The following CCDC122 variants were observed in gnomAD, a reference collection of about 807,000 sequenced individuals.
CCDC122 encodes the protein coiled-coil domain-containing protein 122.
In CCDC122, 38 loss-of-function variants were observed where a neutral mutation model predicts 37.0. The ratio of observed to expected loss-of-function variants is 1.03; its 90% CI spans 0.79 to 1.35. CCDC122 has a LOEUF of 1.35. Among genes scored for constraint, CCDC122 ranks in the 40% most tolerant of loss-of-function variants. The pLI is 0.00. For synonymous variants in CCDC122, 83 were observed against 95.6 expected (o/e 0.87, Z 0.77); for missense variants, 305 against 310.0 (o/e 0.98, Z 0.12).
intron 6 of CCDC122, among the ~76,000 whole-genome samples, chr13:43,850,137 C>T (rs1811435077): frequency 6.6e-6 from 1 of 152,266 alleles, no homozygotes; most frequent in East Asian, 1.9e-4. Context: ...CAGAGGCCTA[C>T]AGACTAGTCT....
intron 4 of CCDC122, among the ~76,000 whole-genome samples, chr13:43,868,300 G>T (rs1349293973): frequency 2.6e-5 from 4 of 152,046 alleles, no homozygotes; most frequent in Non-Finnish European, 4.4e-5. Flanking sequence ...AAAAAGGAAA[G>T]GAACATAGAG....
chr13:43,846,404 T>C (rs920528435), intron 6 of CCDC122, among the ~76,000 whole-genome samples: 1 of 152,208 alleles, frequency 6.6e-6, no homozygotes, highest in Non-Finnish European at 1.5e-5. Flanking sequence ...CATCGAGTAA[T>C]GTTTTATTAC....
intron 6 of CCDC122, among the ~76,000 whole-genome samples, chr13:43,851,760 C>T (rs1056893067): frequency 2.0e-5 from 3 of 152,188 alleles, no homozygotes; most frequent in Admixed American, 6.5e-5. Flanking sequence ...GCACCCCCAG[C>T]ACAGTGGATT....
downstream of CCDC122, among the ~76,000 whole-genome samples, chr13:43,820,036 A>G (rs1036954497): frequency 2.6e-5 from 4 of 152,010 alleles, no homozygotes; most frequent in African/African-American, 9.7e-5. Flanking sequence ...GTGATTTAGG[A>G]TCTAAAATTT....
chr13:43,865,038 C>T (rs530257253), intron 4 of CCDC122, among the ~76,000 whole-genome samples: 41 of 152,186 alleles, frequency 2.7e-4, no homozygotes, highest in African/African-American at 7.9e-4. Context: ...AAGAGTGGAG[C>T]GCCCAGAGAC....
At chr13:43,877,917 G>A (rs1032221226) in intron 1 of CCDC122, 2 of 151,302 alleles carry the variant, frequency 1.3e-5, no homozygotes, top group African/African-American at 4.9e-5. Flanking sequence ...TTTTTCAGTT[G>A]CACTTGCAGT....
rs1051489072 is a variant in CCDC122, at chr13:43,836,536, A to G, written c.*744T>C. ...TATGGGCTACTGTGAAGGCAGCTGT[A>G]AAAAAACAAGTTCCAATAAAAAGTT... On this transcript the variant is annotated 3_prime_UTR_variant, in exon 7 of 7. Coordinates refer to ENST00000444614, the MANE Select transcript of CCDC122 (RefSeq NM_144974.5). 6.6e-6 allele frequency: 1 copy of G among 152,176 alleles called. No individual in the cohort carries two copies. The highest frequency in any genetic ancestry group is 1.5e-5 in the Non-Finnish European group (1 of 68,042). 9.4% of individuals were successfully genotyped at this position (152,176 alleles called of 1,614,324 possible).
chr13:43,857,612 T>C (rs914993061), intron 6 of CCDC122, among the ~76,000 whole-genome samples: 1 of 152,096 alleles, frequency 6.6e-6, no homozygotes. Flanking sequence ...TCATTAATAA[T>C]TTTTTTCTGG....
At chr13:43,868,355 C>CAT (rs1954341109) in intron 4 of CCDC122, among the ~76,000 whole-genome samples, 1 of 152,072 alleles carries the variant, frequency 6.6e-6, no homozygotes, top group Non-Finnish European at 1.5e-5. Flanking sequence ...ACTCACAATC[C>CAT]ATAGCTTTAC....
chr13:43,837,168 A>C lies in CCDC122; in HGVS notation c.*112T>G. On this transcript the variant is annotated 3_prime_UTR_variant, in exon 7 of 7. Coordinates refer to ENST00000444614, the MANE Select transcript of CCDC122 (RefSeq NM_144974.5). ...ACAACCGAAGACATCTGTCATTAAG[A>C]CAGGTCTCTAATAGTGGATGCTTGT... The C allele has an allele frequency of 9.7e-7, 1 of 1,035,068 alleles. No homozygotes were observed. Among genetic ancestry groups the C allele is most frequent in the African/African-American group, 1.6e-5 (1 of 62,452 alleles). 64.1% of individuals were successfully genotyped at this position (1,035,068 alleles called of 1,614,324 possible).
chr13:43,837,410 T>C lies in CCDC122; in HGVS notation c.692A>G (p.Asp231Gly). 6.2e-7 allele frequency: 1 copy of C among 1,614,022 alleles called. No individual in the cohort carries two copies. The highest frequency in any genetic ancestry group is 8.5e-7 in the Non-Finnish European group (1 of 1,179,998). Residue 231 changes from aspartate to glycine, a missense_variant, in exon 7 of 7, where the codon GAT (aspartate) becomes GGT (glycine). Coordinates refer to ENST00000444614, the MANE Select transcript of CCDC122 (RefSeq NM_144974.5). ...KEIEVQHKRYDAILKRLHCQV... is the reference protein window; with the variant it reads ...KEIEVQHKRYGAILKRLHCQV... ...ACAATGCAAACGCTTAAGAATTGCA[T>C]CATACCTCTTATGTTGTACCTATCA...
At chr13:43,858,155 A>G (rs1456839078) in intron 6 of CCDC122, 1 of 152,178 alleles carries the variant, frequency 6.6e-6, no homozygotes. Flanking sequence ...AACAAGTTGA[A>G]ACATGCATAT....
chr13:43,878,638 A>AT, intron 1 of CCDC122, among the ~76,000 whole-genome samples: 1 of 152,300 alleles, frequency 6.6e-6, no homozygotes, highest in East Asian at 1.9e-4. Flanking sequence ...GGAAGGTCGG[A>AT]TATTTTTTCC....
Position 43,868,707 on chromosome 13 carries a change from A to G in CCDC122, c.143T>C (p.Leu48Pro). Residue 48 changes from leucine (L) to proline (P), a missense_variant, in exon 4 of 7, where the codon CTG becomes CCG. Transcript: ENST00000444614. ...ASEIEKNKKV[L>P]FNLKNELHEL... ...TAAAGAAGTTACCTTCAAATTGAAC[A>G]GAACCTTTTTGTTTTTTTCTATCTC... The G allele has an allele frequency of 6.5e-7, 1 of 1,550,066 alleles. No individual in the cohort carries two copies. Among genetic ancestry groups the G allele is most frequent in the South Asian group, 1.2e-5 (1 of 81,968 alleles).
At chr13:43,819,780 A>C (rs1449681704), downstream of CCDC122, among the ~76,000 whole-genome samples, 1 of 152,156 alleles carries the variant, frequency 6.6e-6, no homozygotes, top group Non-Finnish European at 1.5e-5. Flanking sequence ...TTATAATTTT[A>C]ATTTGTAAAC....
chr13:43,861,298 C>T (rs1014151965), intron 4 of CCDC122, among the ~76,000 whole-genome samples: 2 of 152,188 alleles, frequency 1.3e-5, no homozygotes, highest in South Asian at 4.1e-4. Context: ...AACACCCCAG[C>T]TAGTTACATA....
chr13:43,830,511 G>A (rs1953079700), intron 3 of CCDC122, among the ~76,000 whole-genome samples: 1 of 152,126 alleles, frequency 6.6e-6, no homozygotes, highest in Non-Finnish European at 1.5e-5. Context: ...GCAATATCAA[G>A]GAAAGTCCCT....
At chr13:43,846,957 C>G (rs1158589052) in intron 6 of CCDC122, among the ~76,000 whole-genome samples, 2 of 152,108 alleles carry the variant, frequency 1.3e-5, no homozygotes, top group Non-Finnish European at 2.9e-5. Context: ...TATTACGTAA[C>G]AGAAAGAGCA....
intron 1 of CCDC122, among the ~76,000 whole-genome samples, chr13:43,875,593 G>A (rs1954585121): frequency 6.6e-6 from 1 of 152,162 alleles, no homozygotes; most frequent in Non-Finnish European, 1.5e-5. Flanking sequence ...ACCAGTCCAG[G>A]AAGTCTATAA....
Sources: gnomAD v4.1 joint callset for allele counts (sites outside exome capture counted in the v4.1 genomes callset) on GRCh38, gnomAD v4.1.1 for gene constraint, MANE v1.5 for transcripts, NCBI Gene and HGNC (gene_info 2026-07-23, HGNC 2026-07-21) for gene names.